UGGT2: variants seen among roughly 807,000 people sequenced by gnomAD.
UGGT2 encodes the protein UDP-glucose glycoprotein glucosyltransferase 2.
A neutral mutation model predicts 192.1 loss-of-function variants in UGGT2; 180 were observed. The observed-to-expected ratio is 0.94, with a 90% CI of 0.83 to 1.06. The LOEUF is 1.06. Among genes scored for constraint, UGGT2 ranks in the 50% least tolerant of loss-of-function variants. The pLI is 0.00. For synonymous variants in UGGT2, 580 were observed against 591.0 expected (o/e 0.98, Z 0.27); for missense variants, 1,849 against 1,795.7 (o/e 1.03, Z -0.54).
intron 12 of UGGT2, among the ~76,000 whole-genome samples, chr13:95,951,445 C>A (rs1313864751): frequency 6.6e-6 from 1 of 152,172 alleles, no homozygotes; most frequent in Non-Finnish European, 1.5e-5. Context: ...CAGGCCTTAT[C>A]TTGACCCAAA....
chr13:95,995,210 A>G (rs2051580587), intron 7 of UGGT2: 1 of 152,072 alleles, frequency 6.6e-6, no homozygotes, highest in Non-Finnish European at 1.5e-5. Flanking sequence ...ACAAATGAGC[A>G]CAAGTTAGGA....
rs150381252 is a variant in UGGT2, at chr13:96,036,063, C to T, written c.159-4092G>A. 7.9e-5 allele frequency among the ~76,000 whole-genome samples: 12 copies of T among 152,214 alleles called. No homozygotes were observed. The East Asian group carries it at 2.3e-3, about 29-fold the overall frequency. On this transcript the variant is annotated intron_variant, in intron 1 of 38. Coordinates refer to ENST00000376747, the MANE Select transcript of UGGT2 (RefSeq NM_020121.4). The stretch of plus-strand genomic sequence containing the variant: ...CAGCAATCCCATTACTGGGTGTATA[C>T]CCAAAGGAATATAAATCATATTATG...
intron 25 of UGGT2, among the ~76,000 whole-genome samples, chr13:95,890,497 C>CA (rs2047769009): frequency 6.6e-6 from 1 of 152,146 alleles, no homozygotes; most frequent in Non-Finnish European, 1.5e-5. Context: ...TTAAGGCCAC[C>CA]AATCCTATTG....
intron 20 of UGGT2, among the ~76,000 whole-genome samples, chr13:95,904,171 GGGAAGCA>G (rs1431382961): frequency 1.3e-5 from 2 of 151,914 alleles, no homozygotes; most frequent in African/African-American, 2.4e-5. Flanking sequence ...GTGTTATAAT[GGGAAGCA>G]GTCCTTAATT....
intron 27 of UGGT2, 121 bp from the exon 28 acceptor site, chr13:95,877,977 CTTTA>C (rs2047389347): frequency 2.1e-6 from 2 of 959,454 alleles, no homozygotes; most frequent in South Asian, 3.8e-5. Flanking sequence ...AACTTTAAGT[CTTTA>C]TTTTACACAT....
intron 20 of UGGT2, among the ~76,000 whole-genome samples, chr13:95,909,373 C>T (rs1367681529): frequency 1.3e-5 from 2 of 151,520 alleles, no homozygotes; most frequent in South Asian, 4.2e-4. Context: ...CAATGATAGA[C>T]TGGATTAAGA....
chr13:95,902,529 C>A lies in UGGT2; in HGVS notation c.2502+325G>T, dbSNP rs572762071. 1.2e-3 allele frequency among the ~76,000 whole-genome samples: 185 copies of A among 151,960 alleles called. 1 individual carries two copies. The highest frequency in any genetic ancestry group is 4.3e-3 in the African/African-American group (178 of 41,418). ...AAGAGGATCATCGTTGAAACCCCCC[C>A]CATAATGGACCCCTTCAGTGAAATA... On this transcript the variant is annotated intron_variant, in intron 21 of 38. Coordinates refer to ENST00000376747, the MANE Select transcript of UGGT2 (RefSeq NM_020121.4).
At chr13:95,988,249 G>A (rs1860625571) in intron 8 of UGGT2, among the ~76,000 whole-genome samples, 1 of 152,010 alleles carries the variant, frequency 6.6e-6, no homozygotes, top group African/African-American at 2.4e-5. Context: ...GTTTGTGTGT[G>A]CCAACATTTT....
At position 95,983,878 on chromosome 13, in the gene UGGT2, T is replaced by A. The variant is rs1260208293; in HGVS notation, c.1032-14A>T. ...CTGGTTAGAGATCTGGAAAAATGAA[T>A]ACTAATATAATTGATCCTTCCTTAA... On this transcript the variant is annotated splice_polypyrimidine_tract_variant and intron_variant, in intron 9 of 38. Coordinates refer to ENST00000376747, the MANE Select transcript of UGGT2 (RefSeq NM_020121.4). 1.3e-6 allele frequency: 2 copies of A among 1,504,106 alleles called. No homozygotes were observed. The highest frequency in any genetic ancestry group is 2.8e-5 in the African/African-American group (2 of 71,642). 93.2% of individuals were successfully genotyped at this position (1,504,106 alleles called of 1,614,324 possible).
rs545745137 is a variant in UGGT2, at chr13:96,025,162, T to C, written c.242-1403A>G. 5.3e-5 allele frequency among the ~76,000 whole-genome samples: 8 copies of C among 152,350 alleles called. 1 individual carries two copies. In the South Asian group the frequency reaches 1.7e-3, roughly 32 times the overall value. ...TCTGTCAGCATCCATGAAACTAATCTGTTATCTTTGCAAATAGGGTAACAT... is the reference window on the plus strand; with the variant it reads ...TCTGTCAGCATCCATGAAACTAATCCGTTATCTTTGCAAATAGGGTAACAT... On this transcript the variant is annotated intron_variant, in intron 2 of 38. Coordinates refer to ENST00000376747, the MANE Select transcript of UGGT2 (RefSeq NM_020121.4).
At position 95,890,896 on chromosome 13, in the gene UGGT2, G is replaced by A. The variant is rs1256658598; in HGVS notation, c.2924C>T (p.Thr975Ile). 3 of 1,612,752 alleles carry A rather than the reference G, an allele frequency of 1.9e-6. No individual in the cohort carries two copies. Among genetic ancestry groups the A allele is most frequent in the African/African-American group, 2.7e-5 (2 of 74,818 alleles). The change falls in exon 25 of 39, where the codon ACA (threonine) becomes ATA (isoleucine). Residue 975 changes from threonine to isoleucine, a missense_variant. Physicochemically the swap from Thr to Ile is moderately conservative, Grantham distance 89 (BLOSUM62 -1). Transcript: ENST00000376747. ...FNVIAIVDPL[T>I]REAQKMAQLL... ...CTGTGCCATTTTCTGTGCTTCTCTT[G>A]TTAATGGATCAACAATAGCAATGAC...
At chr13:95,858,295 T>G (rs1260255847) in intron 33 of UGGT2, among the ~76,000 whole-genome samples, 1 of 151,978 alleles carries the variant, frequency 6.6e-6, no homozygotes, top group Non-Finnish European at 1.5e-5. Context: ...CTAATAAGAA[T>G]GTCTACGTTT....
chr13:95,979,729 G>GA (rs1192517150), intron 10 of UGGT2, among the ~76,000 whole-genome samples: 2 of 151,844 alleles, frequency 1.3e-5, no homozygotes, highest in Non-Finnish European at 2.9e-5. Context: ...CAGAGTGGGA[G>GA]AAAATCTTCA....
intron 38 of UGGT2, among the ~76,000 whole-genome samples, chr13:95,831,807 A>G (rs1257948299): frequency 6.6e-6 from 1 of 151,962 alleles, no homozygotes; most frequent in African/African-American, 2.4e-5. Context: ...TAAGAAAAAG[A>G]TGTTTTTTGT....
intron 38 of UGGT2, among the ~76,000 whole-genome samples, chr13:95,819,300 TA>T (rs1221984330): frequency 1.3e-5 from 2 of 152,204 alleles, no homozygotes; most frequent in African/African-American, 4.8e-5. Flanking sequence ...TTTATTCTTC[TA>T]CTTTTTCTCC....
chr13:95,939,296 T>C (rs2140523926), intron 16 of UGGT2, among the ~76,000 whole-genome samples: 2 of 152,336 alleles, frequency 1.3e-5, no homozygotes, highest in Middle Eastern at 3.4e-3. Context: ...TGCTTCAGGA[T>C]TCTGCTTAAA....
chr13:95,817,769 A>C lies in UGGT2; in HGVS notation c.4528+15158T>G, dbSNP rs145589917. Among the ~76,000 whole-genome samples the C allele has an allele frequency of 3.2e-3, 484 of 152,332 alleles. 3 individuals carry two copies. The highest frequency in any genetic ancestry group is 0.011 in the African/African-American group (462 of 41,580). ...TAACATTAGAAGCTTCATTAAAGAAAAAAGCCATGATGAAAAACTTAAATT... is the reference window on the plus strand; with the variant it reads ...TAACATTAGAAGCTTCATTAAAGAACAAAGCCATGATGAAAAACTTAAATT... On this transcript the variant is annotated intron_variant, in intron 38 of 38. Transcript: ENST00000376747.
In UGGT2 at chr13:95,937,011, A is replaced by G. The variant is rs1482099303; in HGVS notation, c.1890T>C (p.His630=). ...QALYNGEPFK[H]EEMNIKELKM... is the part of the protein sequence containing the mutation. ...TTAGTTCTTTAATATTCATCTCTTCATGTTTAAAGGGTTCACCATTATAAA... is the reference window on the plus strand; with the variant it reads ...TTAGTTCTTTAATATTCATCTCTTCGTGTTTAAAGGGTTCACCATTATAAA... Residue 630 remains histidine, a synonymous_variant, in exon 17 of 39, where the codon CAT becomes CAC. Coordinates refer to ENST00000376747, the MANE Select transcript of UGGT2 (RefSeq NM_020121.4). 4 of 1,607,020 alleles carry G rather than the reference A, an allele frequency of 2.5e-6. No individual in the cohort carries two copies. Among genetic ancestry groups the G allele is most frequent in the Non-Finnish European group, 3.4e-6 (4 of 1,178,536 alleles).
At chr13:95,989,726 T>C in intron 8 of UGGT2, 1 of 300,560 alleles carries the variant, frequency 3.3e-6, no homozygotes, top group Non-Finnish European at 6.3e-6. Context: ...TAAATCAGTA[T>C]ATACTTTTGA....
Sources: gnomAD v4.1 joint callset for allele counts (sites outside exome capture counted in the v4.1 genomes callset) on GRCh38, gnomAD v4.1.1 for gene constraint, MANE v1.5 for transcripts, NCBI Gene and HGNC (gene_info 2026-07-23, HGNC 2026-07-21) for gene names.